The following ADGRL2 variants were observed in gnomAD, a reference collection of about 807,000 sequenced individuals.
The protein encoded by ADGRL2 is calcium-independent alpha-latrotoxin receptor 2.
ADGRL2 carries 44 observed loss-of-function variants against 157.4 expected under a neutral mutation model. The observed-to-expected ratio is 0.28, with a 90% CI of 0.22 to 0.36. ADGRL2 has a LOEUF of 0.36. Ranked by LOEUF, ADGRL2 falls within the 10% of genes least tolerant of loss-of-function variation. The pLI, the probability that ADGRL2 is intolerant of heterozygous loss-of-function variation, is 1.00. For missense variants in ADGRL2, 1,510 were observed against 1,768.9 expected, an observed-to-expected ratio of 0.85 and a Z score of 2.63; for synonymous variants, 585 against 624.7, an observed-to-expected ratio of 0.94 and a Z score of 0.95.
intron 1 of ADGRL2, among the ~76,000 whole-genome samples, chr1:81,701,258 A>C (rs1285740467): frequency 3.3e-5 from 5 of 152,188 alleles, no homozygotes; most frequent in Non-Finnish European, 7.3e-5. Flanking sequence ...TTACTAGAAC[A>C]CTGATTTATA....
At chr1:81,875,654 A>G (rs1296542995) in intron 2 of ADGRL2, among the ~76,000 whole-genome samples, 1 of 152,178 alleles carries the variant, frequency 6.6e-6, no homozygotes, top group Non-Finnish European at 1.5e-5. Flanking sequence ...CACTCTTCTT[A>G]CATGTCCATA....
At chr1:81,786,831 T>G (rs780224582) in intron 2 of ADGRL2, among the ~76,000 whole-genome samples, 2 of 152,206 alleles carry the variant, frequency 1.3e-5, no homozygotes, top group Non-Finnish European at 2.9e-5. Context: ...GTATATTAAT[T>G]CAGAAAAGAT....
chr1:81,339,268 G>A (rs539905578), intron 1 of ADGRL2, among the ~76,000 whole-genome samples: 3 of 152,248 alleles, frequency 2.0e-5, no homozygotes, highest in Admixed American at 6.5e-5. Flanking sequence ...AACAGCTTAA[G>A]GTTAGAATTA....
At chr1:81,799,170 C>T (rs2087745427), upstream of ADGRL2, among the ~76,000 whole-genome samples, 1 of 152,116 alleles carries the variant, frequency 6.6e-6, no homozygotes, top group Admixed American at 6.5e-5. Flanking sequence ...TGTATTTTGA[C>T]ATATGTAAAA....
At chr1:81,424,227 T>C (rs1233930425) in intron 1 of ADGRL2, among the ~76,000 whole-genome samples, 2 of 152,232 alleles carry the variant, frequency 1.3e-5, no homozygotes, top group African/African-American at 4.8e-5. Context: ...AACTGCCATC[T>C]GTTGAGTGTT....
intron 2 of ADGRL2, among the ~76,000 whole-genome samples, chr1:81,780,376 C>T (rs2086763469): frequency 6.6e-6 from 1 of 152,146 alleles, no homozygotes; most frequent in Non-Finnish European, 1.5e-5. Context: ...AAGCCATGTA[C>T]TAGCTGGGAG....
At chr1:81,658,919 T>C (rs961928235) in intron 3 of ADGRL2, among the ~76,000 whole-genome samples, 3 of 151,870 alleles carry the variant, frequency 2.0e-5, no homozygotes, top group African/African-American at 7.3e-5. Context: ...GCCTGGCTAA[T>C]TTTTGTATTT....
intron 1 of ADGRL2, among the ~76,000 whole-genome samples, chr1:81,383,574 G>T (rs973316540): frequency 1.3e-4 from 19 of 151,198 alleles, no homozygotes; most frequent in Non-Finnish European, 2.4e-4. Flanking sequence ...GTATGCAATA[G>T]ATACACTCTG....
At chr1:81,910,163 C>T (rs1168184874) in intron 3 of ADGRL2, among the ~76,000 whole-genome samples, 3 of 151,400 alleles carry the variant, frequency 2.0e-5, no homozygotes, top group Admixed American at 2.0e-4. Context: ...TCTGTTGAAC[C>T]CAAGAGACGG....
At chr1:81,338,693 A>G (rs1385851647) in intron 1 of ADGRL2, among the ~76,000 whole-genome samples, 2 of 152,308 alleles carry the variant, frequency 1.3e-5, no homozygotes, top group East Asian at 3.9e-4. Flanking sequence ...GTTCTAAGTG[A>G]TTCTTTATCC....
intron 2 of ADGRL2, among the ~76,000 whole-genome samples, chr1:81,555,146 T>C (rs576635708): frequency 6.6e-6 from 1 of 151,744 alleles, no homozygotes; most frequent in African/African-American, 2.4e-5. Context: ...AGTCAGAAGA[T>C]AGTGAAGCAT....
At chr1:81,853,943 T>C (rs2093110857) in intron 2 of ADGRL2, among the ~76,000 whole-genome samples, 1 of 152,114 alleles carries the variant, frequency 6.6e-6, no homozygotes, top group African/African-American at 2.4e-5. Context: ...TTTCTTGAAA[T>C]TTAATAAGTT....
intron 1 of ADGRL2, among the ~76,000 whole-genome samples, chr1:81,742,434 T>C (rs187366491): frequency 1.2e-4 from 18 of 152,026 alleles, no homozygotes; most frequent in Non-Finnish European, 2.4e-4. Flanking sequence ...TTCAAATCCA[T>C]CCCTTTACTA....
chr1:81,593,708 C>A (rs1366360290), intron 3 of ADGRL2, among the ~76,000 whole-genome samples: 1 of 152,132 alleles, frequency 6.6e-6, no homozygotes, highest in Non-Finnish European at 1.5e-5. Context: ...CTTTCCTAGA[C>A]CCCAAGGAAA....
chr1:81,467,057 AAAG>A (rs1219219040), intron 2 of ADGRL2, among the ~76,000 whole-genome samples: 1 of 151,980 alleles, frequency 6.6e-6, no homozygotes, highest in Non-Finnish European at 1.5e-5. Flanking sequence ...AAAAAAAAAA[AAAG>A]AAAAAAAACG....
intron 1 of ADGRL2, among the ~76,000 whole-genome samples, chr1:81,404,601 A>G (rs867522513): frequency 1.3e-5 from 2 of 152,240 alleles, no homozygotes; most frequent in Non-Finnish European, 1.5e-5. Context: ...GAATAAGTAT[A>G]AAGCAATGAA....
intron 1 of ADGRL2, among the ~76,000 whole-genome samples, chr1:81,753,243 A>G (rs555962607): frequency 6.6e-6 from 1 of 152,370 alleles, no homozygotes; most frequent in South Asian, 2.1e-4. Flanking sequence ...TCATGGCAGA[A>G]GGCAAGAAGG....
chr1:81,363,651 A>G (rs2076015982), intron 1 of ADGRL2, among the ~76,000 whole-genome samples: 1 of 152,100 alleles, frequency 6.6e-6, no homozygotes, highest in Admixed American at 6.6e-5. Flanking sequence ...CTGCTGACCA[A>G]TCAATTCATT....
chr1:81,362,852 T>G (rs867262660), intron 1 of ADGRL2, among the ~76,000 whole-genome samples: 1 of 152,028 alleles, frequency 6.6e-6, no homozygotes, highest in African/African-American at 2.4e-5. Flanking sequence ...CATGATTTAC[T>G]TAACCATTCC....
Sources: gnomAD v4.1 joint callset for allele counts (sites outside exome capture counted in the v4.1 genomes callset) on GRCh38, gnomAD v4.1.1 for gene constraint, MANE v1.5 for transcripts, NCBI Gene and HGNC (gene_info 2026-07-23, HGNC 2026-07-21) for gene names.